Variants in FADS2 observed in about 807,000 individuals in gnomAD.
FADS2 encodes fatty acid desaturase 2, also known as acyl-CoA 6-desaturase.
Under a neutral mutation model 61.2 loss-of-function variants are expected in FADS2, and 18 were observed. The observed-to-expected ratio is 0.29, with a 90% CI of 0.20 to 0.44. FADS2 has a LOEUF of 0.44. Among genes scored for constraint, FADS2 ranks in the 20% least tolerant of loss-of-function variants. FADS2 has a pLI of 1.00. For missense variants in FADS2, 322 were observed against 572.7 expected (o/e 0.56, Z 4.47); for synonymous variants, 203 against 223.9 (o/e 0.91, Z 0.83).
chr11:61,863,237 G>T (rs1174984571), intron 8 of FADS2, 45 bp from the exon 9 acceptor site: 2 of 1,525,624 alleles, frequency 1.3e-6, no homozygotes, highest in East Asian at 4.5e-5. Flanking sequence ...TCCCACTGTG[G>T]CTGGGCCCCC....
At chr11:61,825,143 T>C (rs980050582), upstream of FADS2, among the ~76,000 whole-genome samples, 1 of 152,174 alleles carries the variant, frequency 6.6e-6, no homozygotes, top group African/African-American at 2.4e-5. Flanking sequence ...AACGTTAAAA[T>C]AGAATTTTTA....
intron 1 of FADS2, among the ~76,000 whole-genome samples, chr11:61,823,079 A>T (rs1176077337): frequency 6.6e-6 from 1 of 152,212 alleles, no homozygotes; most frequent in Non-Finnish European, 1.5e-5. Context: ...TGCACTTCTT[A>T]TCACCAGAAC....
chr11:61,832,240 C>T (rs1454607002), intron 1 of FADS2, among the ~76,000 whole-genome samples: 2 of 152,242 alleles, frequency 1.3e-5, no homozygotes, highest in Admixed American at 6.5e-5. Context: ...CAACCTGCTC[C>T]TATGTTATTC....
intron 7 of FADS2, among the ~76,000 whole-genome samples, chr11:61,859,711 G>T (rs1423903342): frequency 1.5e-5 from 2 of 134,180 alleles, no homozygotes; most frequent in African/African-American, 6.3e-5. Flanking sequence ...CTATTGCCGG[G>T]CGCAGTCACT....
At chr11:61,824,502 G>GAAAGAAAGAAGAAAGAAA (rs140558358), upstream of FADS2, among the ~76,000 whole-genome samples, 4 of 21,688 alleles carry the variant, frequency 1.8e-4, 1 homozygote, top group Non-Finnish European at 3.8e-4. Flanking sequence ...AAGAAAGAAA[G>GAAAGAAAGAAGAAAGAAA]GAAAGAAAGA....
intron 7 of FADS2, among the ~76,000 whole-genome samples, chr11:61,860,495 G>C (rs1169906846): frequency 6.6e-6 from 1 of 152,216 alleles, no homozygotes; most frequent in Non-Finnish European, 1.5e-5. Flanking sequence ...CTTCCTGTTG[G>C]CTTCCAGGTC....
In FADS2 at chr11:61,840,576, T is replaced by G. The variant is rs1246880072; in HGVS notation, c.516+45T>G. 3.1e-6 allele frequency: 5 copies of G among 1,613,100 alleles called. No homozygotes were observed. The African/African-American group carries it at 6.7e-5, about 22-fold the overall frequency. ...CTTCCCCTAGCTGACAGAGGCCTGG[T>G]GCCTGTTTGCTGAGGCTGTGACAGC... On this transcript the variant is annotated intron_variant, in intron 3 of 11. Transcript: ENST00000278840.
chr11:61,836,083 A>G (rs1480288593), intron 1 of FADS2, among the ~76,000 whole-genome samples: 1 of 151,756 alleles, frequency 6.6e-6, no homozygotes, highest in Non-Finnish European at 1.5e-5. Context: ...GAATTGCAGG[A>G]TGTTGTTTTG....
upstream of FADS2, among the ~76,000 whole-genome samples, chr11:61,824,482 GAGAGAGAGAAAGAAAGAAAGGAAAGAA>G (rs1269636503): frequency 2.6e-3 from 23 of 8,742 alleles, 2 homozygotes; most frequent in African/African-American, 2.9e-3. Flanking sequence ...GAGAGAGAGA[GAGAGAGAGAAAGAAAGAAAGGAAAGAA>G]AGAAAGAAAG....
rs758940319 is a variant in FADS2, at chr11:61,866,432, G to A, written c.*743G>A. ...TGAGCCTGTGACCTTGGGACCAAAG[G>A]GGGAGTCCCTCGTCTCTTGTGACTC... is the stretch of plus-strand genomic sequence containing the variant. On this transcript the variant is annotated 3_prime_UTR_variant, in exon 12 of 12. Transcript: ENST00000278840. 3.2e-5 allele frequency: 5 copies of A among 158,650 alleles called. No homozygotes were observed. The highest frequency in any genetic ancestry group is 3.0e-3 in the Middle Eastern group (1 of 338). 9.8% of individuals were successfully genotyped at this position (158,650 alleles called of 1,614,324 possible).
intron 1 of FADS2, among the ~76,000 whole-genome samples, chr11:61,818,440 A>C (rs921714111): frequency 1.5e-4 from 23 of 152,116 alleles, no homozygotes; most frequent in Non-Finnish European, 2.9e-5. Flanking sequence ...GCTACAAAAC[A>C]TTTTCTATTC....
rs1565338076 is a variant in FADS2 at position 61,863,775 on chromosome 11, G to A, written c.1146G>A (p.Gln382=). ...NDWFSGHLNF[Q]IEHHLFPTMP... The stretch of plus-strand genomic sequence containing the variant: ...GGTTCAGTGGACACCTTAACTTCCA[G>A]ATTGAGCACCAGTGAGCGCGGGGCT... Residue 382 remains glutamine, a synonymous_variant, in exon 10 of 12, where the codon CAG becomes CAA. Transcript: ENST00000278840. 1 of 1,614,098 alleles carries A rather than the reference G, an allele frequency of 6.2e-7. No individual in the cohort carries two copies. The highest frequency in any genetic ancestry group is 1.7e-5 in the Admixed American group (1 of 60,030).
chr11:61,863,132 G>T, intron 8 of FADS2, 63 bp downstream of exon 8: 1 of 1,523,106 alleles, frequency 6.6e-7, no homozygotes, highest in South Asian at 1.1e-5. Flanking sequence ...GCTTTGGCAT[G>T]AGAAGAGGCT....
intron 1 of FADS2, among the ~76,000 whole-genome samples, chr11:61,820,512 C>T (rs895319907): frequency 1.3e-5 from 2 of 152,148 alleles, no homozygotes; most frequent in Non-Finnish European, 2.9e-5. Context: ...CCCTAACGAG[C>T]TTATAATCCA....
At chr11:61,831,009 G>A (rs2067123989) in intron 1 of FADS2, among the ~76,000 whole-genome samples, 1 of 152,194 alleles carries the variant, frequency 6.6e-6, no homozygotes, top group Non-Finnish European at 1.5e-5. Context: ...TCTAAAATAA[G>A]ACTTTTGGGG....
chr11:61,863,469 T>C, intron 9 of FADS2, 91 bp downstream of exon 9: 1 of 1,054,958 alleles, frequency 9.5e-7, no homozygotes, highest in Non-Finnish European at 1.5e-6. Context: ...AGGGCTGTGC[T>C]GGGCCTCCCG....
At position 61,840,880 on chromosome 11, in the gene FADS2, C is replaced by T. The variant is rs1417243317; in HGVS notation, c.618+155C>T. ...GGTGACTCTCCATTCTGCTGACTTC[C>T]TGAGCCCTGTCTCTGGATCAGGTCC... On this transcript the variant is annotated intron_variant, in intron 4 of 11. Coordinates refer to ENST00000278840, the MANE Select transcript of FADS2 (RefSeq NM_004265.4). Among the ~76,000 whole-genome samples, 3 of 152,162 alleles carry T rather than the reference C, an allele frequency of 2.0e-5. No individual in the cohort carries two copies. In the East Asian group the frequency reaches 5.8e-4, roughly 29 times the overall value.
At chr11:61,831,111 A>G (rs2067124991) in intron 1 of FADS2, among the ~76,000 whole-genome samples, 1 of 151,964 alleles carries the variant, frequency 6.6e-6, no homozygotes, top group Non-Finnish European at 1.5e-5. Flanking sequence ...GTTTTTTTAA[A>G]CTGTCCAGGA....
intron 4 of FADS2, 55 bp from the exon 5 acceptor site, chr11:61,848,104 G>A (rs1399006055): frequency 3.2e-5 from 52 of 1,612,442 alleles, no homozygotes; most frequent in Middle Eastern, 3.3e-4. Flanking sequence ...TGTTACAAGC[G>A]AGCTCGGTTC....
Sources: allele counts gnomAD v4.1 joint callset (sites outside exome capture counted in the v4.1 genomes callset), GRCh38; gene constraint gnomAD v4.1.1; transcripts MANE v1.5; gene names NCBI Gene and HGNC (gene_info 2026-07-23, HGNC 2026-07-21).